The following CTNNA3 variants were observed in gnomAD, a reference collection of about 807,000 sequenced individuals.
CTNNA3 encodes the protein catenin alpha-3.
A neutral mutation model predicts 95.7 loss-of-function variants in CTNNA3; 76 were observed. That is an observed-to-expected ratio of 0.79 (90% CI 0.66 to 0.96). CTNNA3 has a LOEUF of 0.96. Among genes scored for constraint, CTNNA3 ranks in the 40% least tolerant of loss-of-function variants. CTNNA3 has a pLI of 0.00. For missense variants in CTNNA3, 1,191 were observed against 1,089.8 expected (o/e 1.09, Z -1.31); for synonymous variants, 431 against 374.4 (o/e 1.15, Z -1.74).
At chr10:66,353,341 T>C (rs1025413854) in intron 12 of CTNNA3, among the ~76,000 whole-genome samples, 3 of 152,130 alleles carry the variant, frequency 2.0e-5, no homozygotes, top group Admixed American at 6.5e-5. Context: ...ATGGGCACAA[T>C]TGTAAATTCA....
chr10:66,699,182 A>C (rs933387964), intron 9 of CTNNA3, among the ~76,000 whole-genome samples: 5 of 152,134 alleles, frequency 3.3e-5, no homozygotes, highest in African/African-American at 4.8e-5. Flanking sequence ...TGAATGTAGG[A>C]GTGCAGATAT....
chr10:66,051,451 C>T (rs7893776), intron 15 of CTNNA3, among the ~76,000 whole-genome samples: 48,574 of 151,980 alleles, frequency 0.32, 7,875 homozygotes, highest in South Asian at 0.43. Context: ...AATAATTCCC[C>T]AGGTAATTTT....
At chr10:66,402,957 C>T (rs544064805) in intron 11 of CTNNA3, among the ~76,000 whole-genome samples, 5 of 152,148 alleles carry the variant, frequency 3.3e-5, no homozygotes, top group East Asian at 3.9e-4. Flanking sequence ...AAAGTCACTC[C>T]CCCTACCTAG....
chr10:67,319,045 T>C (rs769261081), intron 5 of CTNNA3, among the ~76,000 whole-genome samples: 7 of 152,190 alleles, frequency 4.6e-5, no homozygotes, highest in Non-Finnish European at 1.0e-4. Context: ...GACCATCTGC[T>C]TTCCTTTGGC....
chr10:67,162,076 T>C (rs527550108), intron 7 of CTNNA3, among the ~76,000 whole-genome samples: 50 of 152,200 alleles, frequency 3.3e-4, no homozygotes, highest in African/African-American at 1.1e-3. Context: ...TTCACAGTTA[T>C]AGCTGTAGAC....
chr10:67,029,141 C>T (rs1010084127), intron 7 of CTNNA3, among the ~76,000 whole-genome samples: 2 of 152,176 alleles, frequency 1.3e-5, no homozygotes, highest in Admixed American at 6.6e-5. Context: ...AGCATAATCA[C>T]CTCTTTTATT....
At chr10:66,779,649 C>T (rs72802641) in intron 7 of CTNNA3, among the ~76,000 whole-genome samples, 3,811 of 152,340 alleles carry the variant, frequency 0.025, 77 homozygotes, top group South Asian at 0.077. Flanking sequence ...GCATAAGCCA[C>T]TGCACCTGGC....
intron 7 of CTNNA3, among the ~76,000 whole-genome samples, chr10:66,856,415 TG>T (rs900314111): frequency 6.6e-6 from 1 of 152,086 alleles, no homozygotes; most frequent in African/African-American, 2.4e-5. Context: ...TATATTCCCT[TG>T]GGTATATAAC....
At chr10:67,370,422 A>G (rs370312797) in intron 5 of CTNNA3, among the ~76,000 whole-genome samples, 2 of 152,318 alleles carry the variant, frequency 1.3e-5, no homozygotes, top group East Asian at 3.9e-4. Flanking sequence ...TAAATTTGAA[A>G]AATCTGAAGT....
intron 12 of CTNNA3, among the ~76,000 whole-genome samples, chr10:66,376,866 A>G (rs2092799978): frequency 6.6e-6 from 1 of 152,192 alleles, no homozygotes; most frequent in South Asian, 2.1e-4. Flanking sequence ...TTTATAACTA[A>G]TAAGTCCAAG....
At chr10:66,190,576 G>T (rs2086614897) in intron 13 of CTNNA3, among the ~76,000 whole-genome samples, 1 of 152,110 alleles carries the variant, frequency 6.6e-6, no homozygotes, top group Non-Finnish European at 1.5e-5. Flanking sequence ...TGGTTCATAA[G>T]AAATCTTTGA....
chr10:65,988,712 C>A lies in CTNNA3; in HGVS notation c.2245G>T (p.Ala749Ser). The A allele has an allele frequency of 6.2e-7, 1 of 1,613,790 alleles. No homozygotes were observed. Among genetic ancestry groups the A allele is most frequent in the South Asian group, 1.1e-5 (1 of 91,072 alleles). The change falls in exon 16 of 18, where the codon GCT becomes TCT. Residue 749 changes from alanine (A) to serine (S), a missense_variant. Physicochemically the swap from Ala to Ser is moderately conservative, Grantham distance 99 (BLOSUM62 1). Coordinates refer to ENST00000433211, the MANE Select transcript of CTNNA3 (RefSeq NM_013266.4). ...SESGSRMDVL[A>S]RQIANQCPDP... ...CTCACCTGATTAGCAATCTGCCGAG[C>A]AAGGACATCCATCCTTGATCCTGAT... is the stretch of plus-strand genomic sequence containing the variant.
chr10:66,086,568 C>G (rs1589363029), intron 14 of CTNNA3, among the ~76,000 whole-genome samples: 2 of 151,806 alleles, frequency 1.3e-5, no homozygotes, highest in Admixed American at 6.6e-5. Context: ...AAAACACACA[C>G]GTTTAAAACA....
chr10:67,538,218 A>G (rs1480077495), intron 4 of CTNNA3, among the ~76,000 whole-genome samples: 1 of 150,394 alleles, frequency 6.6e-6, no homozygotes, highest in African/African-American at 2.5e-5. Flanking sequence ...TAAAACTATC[A>G]AAAGAAAAAA....
intron 9 of CTNNA3, among the ~76,000 whole-genome samples, chr10:66,660,526 C>T (rs185214837): frequency 3.7e-4 from 57 of 152,290 alleles, no homozygotes; most frequent in African/African-American, 1.3e-3. Flanking sequence ...CAGTGACCAA[C>T]TTGTCATCTC....
intron 11 of CTNNA3, among the ~76,000 whole-genome samples, chr10:66,479,679 C>T (rs765114772): frequency 5.9e-4 from 90 of 152,090 alleles, no homozygotes; most frequent in Admixed American, 4.6e-3. Context: ...ATGTTGATCT[C>T]ATACTATATT....
rs1428845090 is a variant in CTNNA3, at chr10:66,227,623, C to T, written c.1884+52847G>A. Among the ~76,000 whole-genome samples the T allele has an allele frequency of 2.0e-5, 3 of 152,020 alleles. No individual in the cohort carries two copies. In the East Asian group the frequency reaches 5.8e-4, roughly 29 times the overall value. Reference sequence around the variant, plus strand: ...GTCTATGTTCATTCAAAATATTGGTCTGTAGATTTCTTTTATTGTTGTGTC... The same window carrying T: ...GTCTATGTTCATTCAAAATATTGGTTTGTAGATTTCTTTTATTGTTGTGTC... On this transcript the variant is annotated intron_variant, in intron 13 of 17. Coordinates refer to ENST00000433211, the MANE Select transcript of CTNNA3 (RefSeq NM_013266.4).
chr10:67,732,330 G>A (rs2133633326), intron 1 of CTNNA3, among the ~76,000 whole-genome samples: 1 of 152,150 alleles, frequency 6.6e-6, no homozygotes. Context: ...ATATAGATAT[G>A]TATTCAGTTA....
intron 10 of CTNNA3, among the ~76,000 whole-genome samples, chr10:66,611,305 A>C (rs7070370): frequency 0.049 from 7,458 of 152,238 alleles, 278 homozygotes; most frequent in African/African-American, 0.092. Flanking sequence ...AACACAAAAA[A>C]GGATAAATAT....
Sources: gnomAD v4.1 joint callset for allele counts (sites outside exome capture counted in the v4.1 genomes callset) on GRCh38, gnomAD v4.1.1 for gene constraint, MANE v1.5 for transcripts, NCBI Gene and HGNC (gene_info 2026-07-23, HGNC 2026-07-21) for gene names.